The following ZNF232 variants were observed in gnomAD, a reference collection of about 807,000 sequenced individuals.
ZNF232 encodes the protein zinc finger and SCAN domain-containing protein 11.
Under a neutral mutation model 25.2 loss-of-function variants are expected in ZNF232, and 25 were observed. That is an observed-to-expected ratio of 0.99 (90% CI 0.72 to 1.39). The LOEUF (loss-of-function observed/expected upper bound fraction) is 1.39. Among genes scored for constraint, ZNF232 ranks in the 40% most tolerant of loss-of-function variants. The probability of loss-of-function intolerance (pLI) is 0.00; values close to 1 mark genes in which losing one functional copy is unlikely to be tolerated. For missense variants in ZNF232, 519 were observed against 520.9 expected (o/e 1.00, Z 0.04); for synonymous variants, 193 against 182.9 (o/e 1.06, Z -0.45).
chr17:5,109,626 T>C (rs779090587), exon 2 of ZNF232: 58 of 1,614,076 alleles, frequency 3.6e-5, no homozygotes, highest in Non-Finnish European at 4.7e-5. Context: ...ACCAGGAGTC[T>C]CCTGGTAGCG....
upstream of ZNF232, chr17:5,112,104 GGA>G: frequency 3.6e-6 from 2 of 548,208 alleles, no homozygotes; most frequent in South Asian, 2.4e-5. Flanking sequence ...TTGCGCAGGT[GGA>G]GAGTGAGCCC....
chr17:5,111,574 G>T, intron 1 of ZNF232: 1 of 638,836 alleles, frequency 1.6e-6, no homozygotes. Context: ...CCTACCCAAG[G>T]GTCTCGAGAA....
At chr17:5,108,110 C>T (rs2072305860) in intron 3 of ZNF232, among the ~76,000 whole-genome samples, 2 of 152,072 alleles carry the variant, frequency 1.3e-5, no homozygotes, top group Non-Finnish European at 2.9e-5. Context: ...TCTATTTTTT[C>T]CCATTTTGTA....
At chr17:5,106,340 C>T (rs146511951) in exon 4 of ZNF232, 125 of 1,614,104 alleles carry the variant, frequency 7.7e-5, no homozygotes, top group South Asian at 2.1e-4. Context: ...TCAGTCTCTC[C>T]GCTTTGGGAT....
intron 3 of ZNF232, among the ~76,000 whole-genome samples, chr17:5,108,632 G>C (rs1375704953): frequency 6.6e-6 from 1 of 152,074 alleles, no homozygotes; most frequent in Non-Finnish European, 1.5e-5. Flanking sequence ...GCTATTTCCT[G>C]GTCCTGATTT....
At chr17:5,106,098 G>A in exon 4 of ZNF232, 1 of 1,614,176 alleles carries the variant, frequency 6.2e-7, no homozygotes, top group Middle Eastern at 1.6e-4. Context: ...TTTCTCTCCT[G>A]TATGAATTCT....
exon 1 of ZNF232, chr17:5,111,810 C>T (rs2072420576): frequency 6.2e-7 from 1 of 1,613,758 alleles, no homozygotes; most frequent in African/African-American, 1.3e-5. Context: ...CTCACAGGAC[C>T]AGGAGGTTCC....
chr17:5,115,555 A>ACACACACACACACACAC (rs2072512102), upstream of ZNF232, among the ~76,000 whole-genome samples: 56 of 148,774 alleles, frequency 3.8e-4, no homozygotes, highest in African/African-American at 1.1e-3. Context: ...CGTCTCCAAA[A>ACACACACACACACACAC]ACACACACAC....
In ZNF232 at chr17:5,111,784, C is replaced by A. The variant is rs772841070; in HGVS notation, c.23+16G>T. The A allele has an allele frequency of 1.2e-6, 2 of 1,613,812 alleles. No homozygotes were observed. Among genetic ancestry groups the A allele is most frequent in the Admixed American group, 3.3e-5 (2 of 60,024 alleles). ...GCCGCCAGGTGGACCTCGGGGAAGC[C>A]GCCGCCAACACTCACCTCACAGGAC... is the stretch of plus-strand genomic sequence containing the variant. On this transcript the variant is annotated intron_variant, in intron 1 of 3. Coordinates refer to ENST00000575898, the Ensembl canonical transcript of ZNF232.
chr17:5,109,571 C>T lies in ZNF232; in HGVS notation c.321G>A (p.Trp107Ter). 6.2e-7 allele frequency: 1 copy of T among 1,614,000 alleles called. No individual in the cohort carries two copies. Among genetic ancestry groups the T allele is most frequent in the Admixed American group, 1.7e-5 (1 of 60,032 alleles). ...CCTTCGTGTGTTTCTCTGGCCTCAG[C>T]CACTCACAGCAGAGTACTCGTAGTT... Residue 107 changes from tryptophan (W) to a stop codon, truncating the protein, a stop_gained, in exon 2 of 4, where the codon TGG becomes TGA. Coordinates refer to ENST00000575898, the Ensembl canonical transcript of ZNF232. LOFTEE classifies it high-confidence loss of function.
upstream of ZNF232, chr17:5,114,002 T>C (rs995802753): frequency 2.0e-5 from 3 of 152,190 alleles, no homozygotes; most frequent in South Asian, 2.1e-4. Flanking sequence ...GAAGGACATA[T>C]CTGCACATGA....
chr17:5,113,592 T>C (rs1393921819), upstream of ZNF232: 1 of 152,294 alleles, frequency 6.6e-6, no homozygotes, highest in African/African-American at 2.4e-5. Flanking sequence ...ATTAGCTGCT[T>C]CTGTATCTAA....
intron 3 of ZNF232, among the ~76,000 whole-genome samples, chr17:5,108,367 G>A (rs1042878475): frequency 1.3e-5 from 2 of 152,136 alleles, no homozygotes; most frequent in Non-Finnish European, 2.9e-5. Flanking sequence ...AGTTTCTGTA[G>A]TGAATCTGAA....
At chr17:5,110,144 G>A (rs1417473323) in intron 1 of ZNF232, among the ~76,000 whole-genome samples, 2 of 151,980 alleles carry the variant, frequency 1.3e-5, no homozygotes, top group African/African-American at 2.4e-5. Context: ...CACCCACCTC[G>A]GCCTCCCAAA....
chr17:5,116,513 T>C (rs910331205), upstream of ZNF232: 2 of 152,346 alleles, frequency 1.3e-5, no homozygotes, highest in Non-Finnish European at 1.5e-5. Context: ...GGCCAGTGCC[T>C]GTCCGGGAAG....
At chr17:5,109,539 A>T (rs1230270853) in exon 2 of ZNF232, 1 of 1,614,198 alleles carries the variant, frequency 6.2e-7, no homozygotes, top group Non-Finnish European at 8.5e-7. Flanking sequence ...GAACTCCAGG[A>T]TCTGCTCCTT....
At position 5,109,014 on chromosome 17, in the gene ZNF232, T is replaced by C. The variant is rs148838358; in HGVS notation, c.537A>G (p.Pro179=). ...CTCCCAGAGATTCCTTCTTCTCCCA[T>C]GGCTCTTCCTGTGCAGGTCCATGTG... Residue 179 remains proline, a synonymous_variant, in exon 3 of 4, where the codon CCA becomes CCG. Coordinates refer to ENST00000575898, the Ensembl canonical transcript of ZNF232. 9 of 1,614,010 alleles carry C rather than the reference T, an allele frequency of 5.6e-6. No homozygotes were observed. The Admixed American group carries it at 8.3e-5, about 15-fold the overall frequency.
intron 3 of ZNF232, among the ~76,000 whole-genome samples, chr17:5,106,993 G>A (rs1299027634): frequency 6.6e-6 from 1 of 151,964 alleles, no homozygotes; most frequent in African/African-American, 2.4e-5. Flanking sequence ...AGCCTCTTTA[G>A]AGGACTCTCA....
chr17:5,116,066 C>T (rs2072528557), upstream of ZNF232, among the ~76,000 whole-genome samples: 4 of 152,228 alleles, frequency 2.6e-5, no homozygotes, highest in South Asian at 8.3e-4. Context: ...GGGCGGGCCC[C>T]GACGCCCAGC....
Sources: allele counts gnomAD v4.1 joint callset (sites outside exome capture counted in the v4.1 genomes callset), GRCh38; gene constraint gnomAD v4.1.1; transcripts MANE v1.5; gene names NCBI Gene and HGNC (gene_info 2026-07-23, HGNC 2026-07-21).